The following PLB1 variants were observed in gnomAD, a reference collection of about 807,000 sequenced individuals.
The protein encoded by PLB1 is phospholipase B1, membrane-associated.
PLB1 carries 242 observed loss-of-function variants against 227.4 expected under a neutral mutation model. That is an observed-to-expected ratio of 1.06 (90% CI 0.96 to 1.18). The LOEUF is 1.18. Among genes scored for constraint, PLB1 ranks in the 50% most tolerant of loss-of-function variants. The pLI is 0.00. For synonymous variants in PLB1, 757 were observed against 682.2 expected, an observed-to-expected ratio of 1.11 and a Z score of -1.71; for missense variants, 1,858 against 1,816.3, an observed-to-expected ratio of 1.02 and a Z score of -0.42.
intron 52 of PLB1, 135 bp from the exon 53 acceptor site, chr2:28,628,959 A>C (rs1339354732): frequency 7.2e-6 from 5 of 694,478 alleles, no homozygotes; most frequent in Admixed American, 5.7e-5. Context: ...AGATACTACA[A>C]GTTGCATCCC....
chr2:28,586,814 C>T (rs972892663), intron 26 of PLB1, among the ~76,000 whole-genome samples: 2 of 152,168 alleles, frequency 1.3e-5, no homozygotes, highest in Non-Finnish European at 2.9e-5. Flanking sequence ...GTGGCACAAT[C>T]TTGGCTCACT....
intron 29 of PLB1, among the ~76,000 whole-genome samples, chr2:28,590,330 T>A (rs1681691028): frequency 6.6e-6 from 1 of 152,084 alleles, no homozygotes; most frequent in Non-Finnish European, 1.5e-5. Flanking sequence ...GACAACTCTT[T>A]GGGGCAGGCA....
intron 4 of PLB1, among the ~76,000 whole-genome samples, chr2:28,524,088 C>T (rs1013972065): frequency 6.6e-6 from 1 of 152,200 alleles, no homozygotes; most frequent in African/African-American, 2.4e-5. Flanking sequence ...GCTGCAGAGA[C>T]GTGACCTAGG....
chr2:28,623,481 CT>C (rs1687320787), intron 49 of PLB1, among the ~76,000 whole-genome samples: 2 of 152,238 alleles, frequency 1.3e-5, no homozygotes, highest in Admixed American at 1.3e-4. Context: ...CTGTGGTCAC[CT>C]TTGACCAGAA....
At chr2:28,558,051 C>T (rs1675412580) in intron 17 of PLB1, among the ~76,000 whole-genome samples, 1 of 152,162 alleles carries the variant, frequency 6.6e-6, no homozygotes, top group South Asian at 2.1e-4. Flanking sequence ...ACCAATCTAT[C>T]AGATGACGTC....
intron 34 of PLB1, among the ~76,000 whole-genome samples, 164 bp from the exon 35 acceptor site, chr2:28,598,488 G>C (rs1453731004): frequency 1.3e-5 from 2 of 152,136 alleles, no homozygotes; most frequent in Non-Finnish European, 2.9e-5. Context: ...AACTTAGGGT[G>C]GTCCCAGCTT....
intron 14 of PLB1, chr2:28,548,445 T>C (rs567839089): frequency 1.9e-5 from 8 of 417,642 alleles, no homozygotes; most frequent in South Asian, 1.3e-4. Context: ...ATCAGAAAGC[T>C]GTGTGACCCA....
chr2:28,558,579 TG>T (rs1458603927), intron 17 of PLB1, among the ~76,000 whole-genome samples: 1 of 152,214 alleles, frequency 6.6e-6, no homozygotes, highest in Non-Finnish European at 1.5e-5. Context: ...GATTTGCTAT[TG>T]TTCTTCTAAC....
At chr2:28,642,118 C>G (rs1366268001) in intron 57 of PLB1, among the ~76,000 whole-genome samples, 1 of 152,244 alleles carries the variant, frequency 6.6e-6, no homozygotes, top group Non-Finnish European at 1.5e-5. Context: ...TTCACCGTCT[C>G]TTACCTACCA....
intron 10 of PLB1, among the ~76,000 whole-genome samples, chr2:28,538,666 G>C (rs1243537267): frequency 6.6e-6 from 1 of 152,190 alleles, no homozygotes; most frequent in East Asian, 1.9e-4. Context: ...ACTGGGGCGA[G>C]GATAAGATGG....
At chr2:28,583,648 A>G (rs1333230796) in intron 25 of PLB1, among the ~76,000 whole-genome samples, 1 of 152,180 alleles carries the variant, frequency 6.6e-6, no homozygotes, top group Non-Finnish European at 1.5e-5. Flanking sequence ...TTTTCTGGGC[A>G]TGCCCAGATC....
intron 28 of PLB1, 33 bp from the exon 29 acceptor site, chr2:28,589,972 C>T: frequency 6.3e-7 from 1 of 1,594,014 alleles, no homozygotes; most frequent in African/African-American, 1.3e-5. Flanking sequence ...GCCGCCTCTT[C>T]CTCACTCCCC....
intron 46 of PLB1, among the ~76,000 whole-genome samples, chr2:28,619,156 G>T (rs1686626034): frequency 6.6e-6 from 1 of 152,150 alleles, no homozygotes; most frequent in African/African-American, 2.4e-5. Flanking sequence ...TATTAAGCCT[G>T]GTACCTATGA....
At position 28,574,336 on chromosome 2, in the gene PLB1, A is replaced by ACC. The variant is rs141787580; in HGVS notation, c.1433+1038_1433+1039dup. Among the ~76,000 whole-genome samples the ACC allele has an allele frequency of 1.5e-3, 108 of 70,344 alleles. 1 individual carries two copies. Among genetic ancestry groups the ACC allele is most frequent in the South Asian group, 2.9e-3 (6 of 2,056 alleles). The allele number at this position is 70,344 out of a possible 152,430, so 46.1% of individuals were successfully genotyped here. On this transcript the variant is annotated intron_variant, in intron 21 of 57. Coordinates refer to ENST00000327757, the MANE Select transcript of PLB1 (RefSeq NM_153021.5). ...CTCAATATGTAATCTTTAATCCCTC[A>ACC]CCCCCCCCACCCTTCCTCTCTGAGT... is the stretch of plus-strand genomic sequence containing the variant.
intron 36 of PLB1, among the ~76,000 whole-genome samples, 193 bp downstream of exon 36, chr2:28,601,053 C>T (rs1340608875): frequency 7.2e-6 from 1 of 138,388 alleles, no homozygotes; most frequent in Non-Finnish European, 1.5e-5. Context: ...TTGCTGGGTA[C>T]AGCGACACTG....
At position 28,582,414 on chromosome 2, in the gene PLB1, G is replaced by T. The variant is rs200958721; in HGVS notation, c.1642G>T (p.Ala548Ser). Residue 548 changes from alanine to serine, a missense_variant, in exon 25 of 58, where the codon GCA (alanine) becomes TCA (serine). Coordinates refer to ENST00000327757, the MANE Select transcript of PLB1 (RefSeq NM_153021.5). ...LDILHAEVPR[A>S]FVNLVTVLEI... The stretch of plus-strand genomic sequence containing the variant: ...GTTTGCCTTTTCTCAGGTTCCTCGG[G>T]CATTTGTGAACCTGGTGACGGTGCT... 1.5e-5 allele frequency: 24 copies of T among 1,613,014 alleles called. No homozygotes were observed. The highest frequency in any genetic ancestry group is 1.9e-5 in the Non-Finnish European group (23 of 1,179,508).
chr2:28,505,232 G>A (rs1011940690), intron 1 of PLB1, among the ~76,000 whole-genome samples: 3 of 152,190 alleles, frequency 2.0e-5, no homozygotes, highest in Non-Finnish European at 4.4e-5. Flanking sequence ...GGTCAGTCCT[G>A]AGCTTGGATC....
chr2:28,532,843 G>A (rs1300181407), intron 9 of PLB1, among the ~76,000 whole-genome samples: 1 of 152,198 alleles, frequency 6.6e-6, no homozygotes, highest in Non-Finnish European at 1.5e-5. Flanking sequence ...CTGGAAACAG[G>A]ACATGAAGCG....
At chr2:28,516,784 T>G in intron 1 of PLB1, 24 bp from the exon 2 acceptor site, 1 of 1,604,298 alleles carries the variant, frequency 6.2e-7, no homozygotes, top group South Asian at 1.1e-5. Flanking sequence ...CTAAATAACT[T>G]GAACTATTTC....
Sources: gnomAD v4.1 joint callset for allele counts (sites outside exome capture counted in the v4.1 genomes callset) on GRCh38, gnomAD v4.1.1 for gene constraint, MANE v1.5 for transcripts, NCBI Gene and HGNC (gene_info 2026-07-23, HGNC 2026-07-21) for gene names.